The following ZCCHC9 variants were observed in gnomAD, a reference collection of about 807,000 sequenced individuals.
ZCCHC9 encodes the protein zinc finger CCHC-type containing 9, also known as zinc finger CCHC domain-containing protein 9.
A neutral mutation model predicts 30.8 loss-of-function variants in ZCCHC9; 18 were observed. That is an observed-to-expected ratio of 0.58 (90% CI 0.40 to 0.87). The LOEUF (loss-of-function observed/expected upper bound fraction) is 0.87. Ranked by LOEUF, ZCCHC9 falls within the 40% of genes least tolerant of loss-of-function variation. The probability of loss-of-function intolerance (pLI) is 0.00; values close to 1 mark genes in which losing one functional copy is unlikely to be tolerated. For synonymous variants in ZCCHC9, 94 were observed against 106.7 expected, an observed-to-expected ratio of 0.88 and a Z score of 0.73; for missense variants, 279 against 331.2, an observed-to-expected ratio of 0.84 and a Z score of 1.22.
intron 2 of ZCCHC9, among the ~76,000 whole-genome samples, chr5:81,306,708 T>C (rs1169302337): frequency 6.6e-6 from 1 of 152,220 alleles, no homozygotes; most frequent in African/African-American, 2.4e-5. Flanking sequence ...AATGATATGC[T>C]ATAGAAATTT....
At chr5:81,310,114 TG>T (rs1758227332) in intron 4 of ZCCHC9, among the ~76,000 whole-genome samples, 4 of 138,844 alleles carry the variant, frequency 2.9e-5, no homozygotes, top group Non-Finnish European at 6.0e-5. Flanking sequence ...ACATGACTAG[TG>T]AGCAAAAATG....
At chr5:81,310,477 GAAA>G (rs888944952) in intron 4 of ZCCHC9, among the ~76,000 whole-genome samples, 2 of 145,852 alleles carry the variant, frequency 1.4e-5, no homozygotes, top group African/African-American at 5.0e-5. Context: ...AGATTTGGGG[GAAA>G]AAAAAAAGAA....
intron 4 of ZCCHC9, among the ~76,000 whole-genome samples, chr5:81,309,624 T>C (rs1758208347): frequency 6.6e-6 from 1 of 152,206 alleles, no homozygotes; most frequent in Non-Finnish European, 1.5e-5. Context: ...GTTTCTTGTG[T>C]CATGTCCTGG....
At chr5:81,309,435 G>A (rs1420512256) in intron 4 of ZCCHC9, among the ~76,000 whole-genome samples, 1 of 152,148 alleles carries the variant, frequency 6.6e-6, no homozygotes, top group East Asian at 1.9e-4. Flanking sequence ...ATTCAATATT[G>A]TAGTAATGTT....
chr5:81,303,799 T>C (rs928330358), intron 1 of ZCCHC9: 13 of 152,238 alleles, frequency 8.5e-5, no homozygotes, highest in African/African-American at 3.1e-4. Flanking sequence ...CTGAGACCAG[T>C]ATCATGTGTG....
At chr5:81,306,340 T>A (rs1405102374) in intron 2 of ZCCHC9, among the ~76,000 whole-genome samples, 1 of 152,232 alleles carries the variant, frequency 6.6e-6, no homozygotes, top group Non-Finnish European at 1.5e-5. Flanking sequence ...TTAAAGATAG[T>A]TATTTAGAGA....
In ZCCHC9 at chr5:81,312,558, G is replaced by T; in HGVS notation, c.712G>T (p.Val238Phe). Residue 238 changes from valine to phenylalanine, a missense_variant, in exon 6 of 6, where the codon GTT becomes TTT. Coordinates refer to ENST00000407610, the MANE Select transcript of ZCCHC9 (RefSeq NM_001131035.2). ...ESQNSERMVT[V>F]GRWAKGMSAD... ...TTCCTTTACAGAGCGAATGGTCACA[G>T]TTGGTCGCTGGGCAAAGGGAATGAG... is the stretch of plus-strand genomic sequence containing the variant. The T allele has an allele frequency of 6.2e-7, 1 of 1,613,662 alleles. No homozygotes were observed. The highest frequency in any genetic ancestry group is 8.5e-7 in the Non-Finnish European group (1 of 1,179,706).
At chr5:81,309,351 T>C (rs1758198799) in intron 4 of ZCCHC9, among the ~76,000 whole-genome samples, 1 of 152,238 alleles carries the variant, frequency 6.6e-6, no homozygotes, top group Admixed American at 6.5e-5. Context: ...CAAGCTAATA[T>C]GAGGTTTTTA....
At chr5:81,307,662 A>T (rs1758117653) in intron 2 of ZCCHC9, among the ~76,000 whole-genome samples, 1 of 150,830 alleles carries the variant, frequency 6.6e-6, no homozygotes, top group South Asian at 2.1e-4. Flanking sequence ...AAAACAAAAA[A>T]GTATTTAGGG....
At chr5:81,306,275 C>A (rs1402855595) in intron 2 of ZCCHC9, among the ~76,000 whole-genome samples, 2 of 152,102 alleles carry the variant, frequency 1.3e-5, no homozygotes, top group Non-Finnish European at 2.9e-5. Context: ...ATGTTAACAG[C>A]CTCTATAAAT....
At position 81,304,824 on chromosome 5, in the gene ZCCHC9, G is replaced by A; in HGVS notation, c.67G>A (p.Asp23Asn). The A allele has an allele frequency of 1.2e-6, 2 of 1,613,868 alleles. No individual in the cohort carries two copies. The highest frequency in any genetic ancestry group is 1.7e-6 in the Non-Finnish European group (2 of 1,179,974). ...ACCCTTGCCTGCAACATCATGGGAG[G>A]ACATGAAGAAGGGATCCTTTGAGGG... ...KRPLPATSWE[D>N]MKKGSFEGTS... is the part of the protein sequence containing the mutation. Residue 23 changes from aspartate (D) to asparagine (N), a missense_variant, in exon 2 of 6, where the codon GAC becomes AAC. Physicochemically the swap from Asp to Asn is conservative, Grantham distance 23 (BLOSUM62 1). Transcript: ENST00000407610.
chr5:81,305,014 T>C lies in ZCCHC9; in HGVS notation c.257T>C (p.Val86Ala), dbSNP rs1758049681. The C allele has an allele frequency of 6.2e-7, 1 of 1,614,146 alleles. No individual in the cohort carries two copies. Among genetic ancestry groups the C allele is most frequent in the Non-Finnish European group, 8.5e-7 (1 of 1,180,024 alleles). Residue 86 changes from valine to alanine, a missense_variant, in exon 2 of 6, where the codon GTT (valine) becomes GCT (alanine). Transcript: ENST00000407610. ...TACCTAAGACAGAATTCACAGATGG[T>C]TCACAATGGGCAAATTATAGCAACA... ...MEYLRQNSQM[V>A]HNGQIIATDS...
intron 2 of ZCCHC9, among the ~76,000 whole-genome samples, chr5:81,305,622 TGTG>T (rs1758064480): frequency 6.8e-6 from 1 of 146,120 alleles, no homozygotes; most frequent in African/African-American, 2.5e-5. Flanking sequence ...ATTAGCCAGG[TGTG>T]GTGGTACACA....
chr5:81,305,632 C>G (rs1398723519), intron 2 of ZCCHC9, among the ~76,000 whole-genome samples: 1 of 150,432 alleles, frequency 6.6e-6, no homozygotes, highest in African/African-American at 2.5e-5. Flanking sequence ...TGTGGTGGTA[C>G]ACACCTGTGA....
At chr5:81,311,342 C>T in intron 5 of ZCCHC9, 63 bp downstream of exon 5, 2 of 1,504,982 alleles carry the variant, frequency 1.3e-6, no homozygotes, top group Non-Finnish European at 1.8e-6. Context: ...TTTTATTCTG[C>T]ACTTGTTATT....
At chr5:81,305,249 A>G in intron 2 of ZCCHC9, 108 bp downstream of exon 2, 2 of 1,418,280 alleles carry the variant, frequency 1.4e-6, no homozygotes, top group Non-Finnish European at 1.9e-6. Flanking sequence ...TATGTCCCAG[A>G]TTTATAGAGC....
At chr5:81,308,116 G>A (rs983114714) in intron 2 of ZCCHC9, among the ~76,000 whole-genome samples, 2 of 147,334 alleles carry the variant, frequency 1.4e-5, no homozygotes, top group Admixed American at 6.8e-5. Context: ...TCAATTATGT[G>A]AACTTTAAAA....
chr5:81,308,511 A>C, intron 2 of ZCCHC9, 50 bp from the exon 3 acceptor site: 1 of 1,499,608 alleles, frequency 6.7e-7, no homozygotes, highest in South Asian at 1.3e-5. Context: ...GAATTAATAA[A>C]GTCACTGGTA....
At chr5:81,302,971 TTTAAA>T (rs567735550) in intron 1 of ZCCHC9, 4 of 151,736 alleles carry the variant, frequency 2.6e-5, no homozygotes, top group African/African-American at 9.7e-5. Flanking sequence ...TTTATAAACT[TTTAAA>T]TTAATTTTAA....
Sources: allele counts gnomAD v4.1 joint callset (sites outside exome capture counted in the v4.1 genomes callset), GRCh38; gene constraint gnomAD v4.1.1; transcripts MANE v1.5; gene names NCBI Gene and HGNC (gene_info 2026-07-23, HGNC 2026-07-21).